The following ASIC2 variants were observed in gnomAD, a reference collection of about 807,000 sequenced individuals.
ASIC2 encodes the protein acid sensing ion channel subunit 2, also known as acid-sensing ion channel 2.
ASIC2 carries 25 observed loss-of-function variants against 57.3 expected under a neutral mutation model. That is an observed-to-expected ratio of 0.44 (90% CI 0.32 to 0.61). The LOEUF (loss-of-function observed/expected upper bound fraction) is 0.61, where lower values mean the gene tolerates loss of function less well. ASIC2 is among the 20% of genes least tolerant of loss of function. ASIC2 has a pLI of 0.06. For missense variants in ASIC2, 641 were observed against 738.1 expected (o/e 0.87, Z 1.52); for synonymous variants, 319 against 307.5 (o/e 1.04, Z -0.39).
At chr17:33,115,107 TC>T (rs1236396804) in intron 1 of ASIC2, among the ~76,000 whole-genome samples, 1 of 152,184 alleles carries the variant, frequency 6.6e-6, no homozygotes, top group Non-Finnish European at 1.5e-5. Flanking sequence ...CTGGTACCCA[TC>T]CTAGCCCAGG....
At chr17:33,800,518 G>A (rs992094353) in intron 1 of ASIC2, among the ~76,000 whole-genome samples, 3 of 152,190 alleles carry the variant, frequency 2.0e-5, no homozygotes, top group African/African-American at 2.4e-5. Flanking sequence ...ATCCACTTAC[G>A]GAGGAGCAGA....
chr17:33,432,659 T>A (rs1261229077), intron 1 of ASIC2, among the ~76,000 whole-genome samples: 1 of 152,238 alleles, frequency 6.6e-6, no homozygotes, highest in Non-Finnish European at 1.5e-5. Context: ...ATTCATCAAC[T>A]GTTCATGTTG....
Position 33,248,363 on chromosome 17 carries a change from G to A in ASIC2, c.708+43045C>T, listed in dbSNP as rs184416850. The stretch of plus-strand genomic sequence containing the variant: ...GGCAAGAGCATTTAGCCACTGAGAT[G>A]CCTGCAGCTTTTCGTTGAATGAGAG... On this transcript the variant is annotated intron_variant, in intron 1 of 9. Coordinates refer to ENST00000225823, the MANE Select transcript of ASIC2 (RefSeq NM_183377.2). Among the ~76,000 whole-genome samples the A allele has an allele frequency of 5.3e-5, 8 of 152,278 alleles. No homozygotes were observed. In the East Asian group the frequency reaches 1.4e-3, roughly 26 times the overall value.
intron 1 of ASIC2, among the ~76,000 whole-genome samples, chr17:33,912,408 G>T (rs1369802349): frequency 3.9e-5 from 6 of 151,916 alleles, no homozygotes; most frequent in African/African-American, 1.5e-4. Context: ...CTTGAACCCA[G>T]GAGGCAGAGA....
chr17:33,578,821 G>A (rs1193846194), intron 1 of ASIC2, among the ~76,000 whole-genome samples: 1 of 152,112 alleles, frequency 6.6e-6, no homozygotes, highest in Non-Finnish European at 1.5e-5. Context: ...ATATAGTTCA[G>A]GGACTGTAAT....
At chr17:33,421,452 G>T (rs1230047605) in intron 1 of ASIC2, among the ~76,000 whole-genome samples, 2 of 152,212 alleles carry the variant, frequency 1.3e-5, no homozygotes, top group East Asian at 3.8e-4. Context: ...CCCGGGAAAG[G>T]GGGCTAGTAG....
At chr17:33,966,871 G>A (rs564381233) in intron 1 of ASIC2, among the ~76,000 whole-genome samples, 18 of 152,272 alleles carry the variant, frequency 1.2e-4, no homozygotes, top group African/African-American at 4.1e-4. Context: ...TATCTATTCT[G>A]GTACATCAGT....
intron 1 of ASIC2, among the ~76,000 whole-genome samples, chr17:33,629,809 A>G (rs543777032): frequency 2.0e-5 from 3 of 152,210 alleles, no homozygotes; most frequent in Admixed American, 2.0e-4. Context: ...GGCCTTCAGT[A>G]ATATCCCAGG....
intron 1 of ASIC2, among the ~76,000 whole-genome samples, chr17:34,088,203 G>A (rs1910183045): frequency 6.6e-6 from 1 of 152,164 alleles, no homozygotes; most frequent in South Asian, 2.1e-4. Context: ...TGATGGTGAT[G>A]TACAGATGGG....
At chr17:33,456,355 A>C (rs2141993170) in intron 1 of ASIC2, among the ~76,000 whole-genome samples, 1 of 149,386 alleles carries the variant, frequency 6.7e-6, no homozygotes, top group Non-Finnish European at 1.5e-5. Context: ...TTCCCTCCCC[A>C]CTTCCTCCCA....
At chr17:34,122,580 A>G (rs1911657628) in intron 1 of ASIC2, among the ~76,000 whole-genome samples, 1 of 152,234 alleles carries the variant, frequency 6.6e-6, no homozygotes, top group Admixed American at 6.5e-5. Context: ...AGAGGAATGA[A>G]CACAAATGTT....
At chr17:33,058,923 T>A (rs541947958) in intron 3 of ASIC2, among the ~76,000 whole-genome samples, 1 of 152,196 alleles carries the variant, frequency 6.6e-6, no homozygotes, top group African/African-American at 2.4e-5. Context: ...GTAAATTATA[T>A]GTCTGTTTGA....
chr17:33,051,336 G>A (rs576128260), intron 3 of ASIC2, among the ~76,000 whole-genome samples: 70 of 152,198 alleles, frequency 4.6e-4, no homozygotes, highest in South Asian at 1.9e-3. Flanking sequence ...CACTGAACCA[G>A]CTGTCTCCCA....
chr17:34,065,757 T>G (rs1379947817), intron 1 of ASIC2, among the ~76,000 whole-genome samples: 1 of 152,106 alleles, frequency 6.6e-6, no homozygotes, highest in Non-Finnish European at 1.5e-5. Context: ...AACAGGGGCA[T>G]GCAACAAGTT....
At chr17:33,560,071 A>G (rs1183599903) in intron 1 of ASIC2, among the ~76,000 whole-genome samples, 1 of 152,166 alleles carries the variant, frequency 6.6e-6, no homozygotes, top group African/African-American at 2.4e-5. Context: ...GCCTTAAACC[A>G]TTTGCTCAGC....
At chr17:33,595,447 A>G (rs1434395179) in intron 1 of ASIC2, among the ~76,000 whole-genome samples, 3 of 152,226 alleles carry the variant, frequency 2.0e-5, no homozygotes. Context: ...GTGACAGAGT[A>G]CACCTTAGAG....
At chr17:33,710,651 G>A (rs1251532928) in intron 1 of ASIC2, among the ~76,000 whole-genome samples, 1 of 152,164 alleles carries the variant, frequency 6.6e-6, no homozygotes, top group Admixed American at 6.5e-5. Flanking sequence ...AAATACGATT[G>A]GTGAAGAGGC....
intron 1 of ASIC2, among the ~76,000 whole-genome samples, chr17:33,152,496 A>T (rs1256994253): frequency 1.3e-5 from 2 of 152,186 alleles, no homozygotes; most frequent in Non-Finnish European, 1.5e-5. Context: ...AAGCAACAGG[A>T]AGGGAGAGAT....
intron 1 of ASIC2, among the ~76,000 whole-genome samples, chr17:33,577,166 T>C (rs983640477): frequency 6.6e-6 from 1 of 152,136 alleles, no homozygotes; most frequent in African/African-American, 2.4e-5. Flanking sequence ...CCATTGCCAC[T>C]GAGTGCTGTG....
Sources: allele counts gnomAD v4.1 joint callset (sites outside exome capture counted in the v4.1 genomes callset), GRCh38; gene constraint gnomAD v4.1.1; transcripts MANE v1.5; gene names NCBI Gene and HGNC (gene_info 2026-07-23, HGNC 2026-07-21).